Variants in ATP2A3 observed in about 807,000 individuals in gnomAD.
ATP2A3 encodes ATPase sarcoplasmic/endoplasmic reticulum Ca2+ transporting 3, also known as sarcoplasmic/endoplasmic reticulum calcium ATPase 3.
A neutral mutation model predicts 106.8 loss-of-function variants in ATP2A3; 61 were observed. The ratio of observed to expected loss-of-function variants is 0.57; its 90% CI spans 0.46 to 0.71. The LOEUF is 0.71. Among genes scored for constraint, ATP2A3 ranks in the 30% least tolerant of loss-of-function variants. ATP2A3 has a pLI of 0.00. For missense variants in ATP2A3, 1,201 were observed against 1,423.5 expected (o/e 0.84, Z 2.52); for synonymous variants, 611 against 609.3 (o/e 1.00, Z -0.04).
chr17:3,949,300 T>C (rs1210960904), intron 7 of ATP2A3, among the ~76,000 whole-genome samples: 1 of 152,188 alleles, frequency 6.6e-6, no homozygotes, highest in African/African-American at 2.4e-5. Flanking sequence ...CTCAGGCTAC[T>C]GCGGGGCAGC....
chr17:3,948,900 G>A (rs1015935455), intron 7 of ATP2A3, among the ~76,000 whole-genome samples: 3 of 152,000 alleles, frequency 2.0e-5, no homozygotes, highest in African/African-American at 7.2e-5. Context: ...AGGCCAAGGC[G>A]GGCAGATCAC....
At chr17:3,950,984 C>T (rs2054385754) in intron 5 of ATP2A3, among the ~76,000 whole-genome samples, 1 of 152,010 alleles carries the variant, frequency 6.6e-6, no homozygotes, top group African/African-American at 2.4e-5. Context: ...GCCACCCCCT[C>T]TGTATATACG....
chr17:3,943,153 G>A (rs1459827458), intron 11 of ATP2A3, among the ~76,000 whole-genome samples: 1 of 152,056 alleles, frequency 6.6e-6, no homozygotes, highest in African/African-American at 2.4e-5. Context: ...GCCGGGTGTG[G>A]TGGCACGCGC....
rs1324941887 is a variant in ATP2A3 at position 3,947,437 on chromosome 17, G to C, written c.1049C>G (p.Ser350Cys). Reference protein sequence around the residue: ...ETLGCTSVICSDKTGTLTTNQ... With the variant: ...ETLGCTSVICCDKTGTLTTNQ... Reference sequence around the variant, plus strand: ...GGTGGTGAGCGTGCCCGTCTTGTCGGAGCAGATGACTGAGGTGCAGCCCAG... The same window carrying C: ...GGTGGTGAGCGTGCCCGTCTTGTCGCAGCAGATGACTGAGGTGCAGCCCAG... The change falls in exon 8 of 21, where the codon TCC (serine) becomes TGC (cysteine). Residue 350 changes from serine (S) to cysteine (C), a missense_variant. Around this residue, in one of 2 missense-constraint regions of ATP2A3, gnomAD observed 935 missense variants for 1,176.7 expected, o/e 0.79. Transcript: ENST00000397041. The surrounding 1 kb of genome is among the most constrained non-coding windows in gnomAD (Gnocchi z 7.7). 6.2e-7 allele frequency: 1 copy of C among 1,613,926 alleles called. No individual in the cohort carries two copies. Among genetic ancestry groups the C allele is most frequent in the Admixed American group, 1.7e-5 (1 of 60,036 alleles).
Position 3,950,674 on chromosome 17 carries a change from C to T in ATP2A3, c.544+19G>A. On this transcript the variant is annotated intron_variant, in intron 6 of 20. Transcript: ENST00000397041. Reference sequence around the variant, plus strand: ...TAGTCCTGGCCCACTAGGTCCCGGCCTCCTGGGGGGGGCCTCACCCGTCAG... The same window carrying T: ...TAGTCCTGGCCCACTAGGTCCCGGCTTCCTGGGGGGGGCCTCACCCGTCAG... 1 of 1,613,944 alleles carries T rather than the reference C, an allele frequency of 6.2e-7. No homozygotes were observed. The highest frequency in any genetic ancestry group is 8.5e-7 in the Non-Finnish European group (1 of 1,179,950).
chr17:3,930,268 C>T lies in ATP2A3; in HGVS notation c.2744+33G>A, dbSNP rs761112190. On this transcript the variant is annotated intron_variant, in intron 18 of 20. Coordinates refer to ENST00000397041, the MANE Select transcript of ATP2A3 (RefSeq NM_005173.4). This position sits in a 1 kb window ranked among gnomAD's most constrained non-coding sequence, Gnocchi z 5.4. ...CCCCCAGCCCTCAGCCCCCACTCCT[C>T]GGCCCCAGCTCCAGGCCCTGCGCCC... 3 of 1,418,958 alleles carry T rather than the reference C, an allele frequency of 2.1e-6. No homozygotes were observed. The highest frequency in any genetic ancestry group is 2.5e-5 in the Admixed American group (1 of 40,810). The allele number at this position is 1,418,958 out of a possible 1,614,324, so 87.9% of individuals were successfully genotyped here.
rs756255521 is a variant in ATP2A3 at position 3,947,592 on chromosome 17, G to A, written c.894C>T (p.Ile298=). Residue 298 remains isoleucine, a synonymous_variant, in exon 8 of 21, where the codon ATC becomes ATT. Transcript: ENST00000397041. The surrounding 1 kb of genome is among the most constrained non-coding windows in gnomAD (Gnocchi z 7.7). ...WLRGAVYYFK[I]AVALAVAAIP... is the part of the protein sequence containing the mutation. ...TGGCCGCCACCGCCAGGGCCACGGC[G>A]ATCTTGAAGTAGTAGACAGCGCCAC... 5 of 1,612,696 alleles carry A rather than the reference G, an allele frequency of 3.1e-6. No individual in the cohort carries two copies. The highest frequency in any genetic ancestry group is 2.2e-5 in the South Asian group (2 of 91,080).
chr17:3,942,362 G>C (rs8071579), intron 12 of ATP2A3, among the ~76,000 whole-genome samples: 1 of 152,130 alleles, frequency 6.6e-6, no homozygotes, highest in African/African-American at 2.4e-5. Flanking sequence ...CAACGGAGAC[G>C]CTGTAGACAG....
At position 3,949,127 on chromosome 17, in the gene ATP2A3, CAAAAAAAAAAAA is replaced by C. The variant is rs869265323; in HGVS notation, c.631-1284_631-1273del. Among the ~76,000 whole-genome samples the C allele has an allele frequency of 1.0e-4, 6 of 60,014 alleles. No homozygotes were observed. In the South Asian group the frequency reaches 2.7e-3, roughly 27 times the overall value. The allele number at this position is 60,014 out of a possible 152,430, so 39.4% of individuals were successfully genotyped here. On this transcript the variant is annotated intron_variant, in intron 7 of 20. Coordinates refer to ENST00000397041, the MANE Select transcript of ATP2A3 (RefSeq NM_005173.4). ...TGGGTGACAGAGTGAGACTCTGTCT[CAAAAAAAAAAAA>C]AAAAAAAAAAAAAAGGAGTTCTGGG...
Position 3,924,749 on chromosome 17 carries a change from C to A in ATP2A3, c.*673G>T. 2 of 456,670 alleles carry A rather than the reference C, an allele frequency of 4.4e-6. No homozygotes were observed. The highest frequency in any genetic ancestry group is 1.5e-5 in the South Asian group (1 of 64,576). 28.3% of individuals were successfully genotyped at this position (456,670 alleles called of 1,614,324 possible). On this transcript the variant is annotated 3_prime_UTR_variant, in exon 21 of 21. Coordinates refer to ENST00000397041, the MANE Select transcript of ATP2A3 (RefSeq NM_005173.4). The surrounding 1 kb of genome is among the most constrained non-coding windows in gnomAD (Gnocchi z 6.4). ...CCCGGGAAAGGACATCCTCGCTCCG[C>A]CCTCCTGCCGGCTCCTTGTGTCCGT... is the stretch of plus-strand genomic sequence containing the variant.
At chr17:3,939,955 G>A (rs1036868750) in intron 14 of ATP2A3, among the ~76,000 whole-genome samples, 2 of 149,574 alleles carry the variant, frequency 1.3e-5, no homozygotes, top group East Asian at 1.9e-4. Flanking sequence ...AACAGTGATC[G>A]CCTGTTTTGC....
In ATP2A3 at chr17:3,950,535, C is replaced by G; in HGVS notation, c.606G>C (p.Gln202His). Residue 202 changes from glutamine to histidine, a missense_variant, in exon 7 of 21, where the codon CAG (glutamine) becomes CAC (histidine). Coordinates refer to ENST00000397041, the MANE Select transcript of ATP2A3 (RefSeq NM_005173.4). ...EAIPDPRAVN[Q>H]DKKNMLFSGT... ...CAGAAAACAGCATGTTCTTCTTGTC[C>G]TGGTTCACAGCTCTGGGGTCTGGGA... 6 of 1,614,160 alleles carry G rather than the reference C, an allele frequency of 3.7e-6. No homozygotes were observed. The highest frequency in any genetic ancestry group is 5.1e-6 in the Non-Finnish European group (6 of 1,180,028).
intron 3 of ATP2A3, among the ~76,000 whole-genome samples, chr17:3,952,526 G>A (rs552387947): frequency 8.3e-4 from 126 of 152,296 alleles, no homozygotes; most frequent in Non-Finnish European, 1.3e-3. Context: ...CCACGGAAGG[G>A]GCTCCGGCAG....
chr17:3,956,294 T>G (rs2144718202), intron 1 of ATP2A3, among the ~76,000 whole-genome samples: 1 of 152,332 alleles, frequency 6.6e-6, no homozygotes, highest in Non-Finnish European at 1.5e-5. Context: ...CAAATATTTC[T>G]GGTTCTCCCC....
Position 3,941,129 on chromosome 17 carries a change from C to A in ATP2A3, c.1942G>T (p.Val648Leu). The part of the protein sequence containing the change: ...RLGIFGDTED[V>L]AGKAYTGREF... ...CGGCCCGTGTAGGCCTTGCCCGCCA[C>A]GTCTTCCGTGTCCCCAAAGATGCCA... Residue 648 changes from valine (V) to leucine (L), a missense_variant, in exon 14 of 21, where the codon GTG (valine) becomes TTG (leucine). By Grantham distance (32) the Val-to-Leu change is conservative (BLOSUM62 1). Transcript: ENST00000397041. The A allele has an allele frequency of 6.2e-7, 1 of 1,614,098 alleles. No individual in the cohort carries two copies.
Position 3,947,410 on chromosome 17 carries a change from T to C in ATP2A3, c.1076A>G (p.Asn359Ser), listed in dbSNP as rs777330052. The change falls in exon 8 of 21, where the codon AAT (asparagine) becomes AGT (serine). Residue 359 changes from asparagine (N) to serine (S), a missense_variant. Transcript: ENST00000397041. The surrounding 1 kb of genome is among the most constrained non-coding windows in gnomAD (Gnocchi z 7.7). ...CSDKTGTLTT[N>S]QMSVCRMFVV... ...ACTCACCCGGCAGACAGACATCTGA[T>C]TGGTGGTGAGCGTGCCCGTCTTGTC... 1.9e-6 allele frequency: 3 copies of C among 1,613,856 alleles called. No homozygotes were observed. The highest frequency in any genetic ancestry group is 1.7e-6 in the Non-Finnish European group (2 of 1,180,016).
chr17:3,955,296 C>T lies in ATP2A3; in HGVS notation c.119-1586G>A, dbSNP rs1270194713. On this transcript the variant is annotated intron_variant, in intron 1 of 20. Coordinates refer to ENST00000397041, the MANE Select transcript of ATP2A3 (RefSeq NM_005173.4). The surrounding 1 kb of genome is among the most constrained non-coding windows in gnomAD (Gnocchi z 4.2). ...TTTTTTTCCTACGGGAGCCCTCTCC[C>T]CGGACCACCTGTTTGGAAGCTTTGG... Among the ~76,000 whole-genome samples the T allele has an allele frequency of 1.3e-5, 2 of 152,206 alleles. No homozygotes were observed. The highest frequency in any genetic ancestry group is 2.9e-5 in the Non-Finnish European group (2 of 68,042).
rs960145281 is a variant in ATP2A3, at chr17:3,930,559, G to A, written c.2611-125C>T. The A allele has an allele frequency of 7.1e-6, 10 of 1,399,980 alleles. No individual in the cohort carries two copies. The highest frequency in any genetic ancestry group is 4.9e-5 in the East Asian group (2 of 40,988). The allele number at this position is 1,399,980 out of a possible 1,614,324, so 86.7% of individuals were successfully genotyped here. On this transcript the variant is annotated intron_variant, in intron 17 of 20. Coordinates refer to ENST00000397041, the MANE Select transcript of ATP2A3 (RefSeq NM_005173.4). The surrounding 1 kb of genome is among the most constrained non-coding windows in gnomAD (Gnocchi z 5.4). ...CACAACCAGCACACAAAACACTGCC[G>A]TGGGGTGGGCTGGGGATCCCGGGAG...
In ATP2A3 at chr17:3,924,975, G is replaced by A. The variant is rs531136192; in HGVS notation, c.*447C>T. The A allele has an allele frequency of 3.6e-5, 14 of 386,610 alleles. No individual in the cohort carries two copies. The highest frequency in any genetic ancestry group is 1.4e-4 in the South Asian group (7 of 50,956). The allele number at this position is 386,610 out of a possible 1,614,324, so 23.9% of individuals were successfully genotyped here. On this transcript the variant is annotated 3_prime_UTR_variant, in exon 21 of 21. Coordinates refer to ENST00000397041, the MANE Select transcript of ATP2A3 (RefSeq NM_005173.4). This position sits in a 1 kb window ranked among gnomAD's most constrained non-coding sequence, Gnocchi z 6.4. ...AGGCACGAAGAGAGAGGTCAGAGCC[G>A]GTAAGAAGGACCCCCAGAGTCCTCC...
Sources: gnomAD v4.1 joint callset for allele counts (sites outside exome capture counted in the v4.1 genomes callset) on GRCh38, gnomAD v4.1.1 for gene constraint, gnomAD v4.1.1 regional missense constraint, Gnocchi (gnomAD v3.1) non-coding constraint, MANE v1.5 for transcripts, NCBI Gene and HGNC (gene_info 2026-07-23, HGNC 2026-07-21) for gene names.